CSMD3: variants seen among roughly 807,000 people sequenced by gnomAD.
CSMD3 encodes the protein CUB and sushi domain-containing protein 3.
CSMD3 carries 177 observed loss-of-function variants against 435.2 expected under a neutral mutation model. The observed-to-expected ratio is 0.41, with a 90% CI of 0.36 to 0.46. The LOEUF (loss-of-function observed/expected upper bound fraction) is 0.46, where lower values mean the gene tolerates loss of function less well. Ranked by LOEUF, CSMD3 falls within the 20% of genes least tolerant of loss-of-function variation. CSMD3 has a pLI of 0.34. For synonymous variants in CSMD3, 1,656 were observed against 1,520.5 expected (o/e 1.09, Z -2.07); for missense variants, 4,265 against 4,504.6 (o/e 0.95, Z 1.52).
chr8:112,845,778 G>A (rs2080300959), intron 11 of CSMD3, among the ~76,000 whole-genome samples: 1 of 152,030 alleles, frequency 6.6e-6, no homozygotes, highest in African/African-American at 2.4e-5. Context: ...ATGGAAACCT[G>A]AGTGAGAGGG....
chr8:112,687,860 C>A (rs1401392980), intron 14 of CSMD3, among the ~76,000 whole-genome samples: 1 of 151,992 alleles, frequency 6.6e-6, no homozygotes, highest in Non-Finnish European at 1.5e-5. Flanking sequence ...AGTTAAGGCA[C>A]CCCAGTTTCC....
intron 1 of CSMD3, among the ~76,000 whole-genome samples, chr8:113,353,458 T>C (rs1275582043): frequency 2.0e-5 from 3 of 152,314 alleles, no homozygotes; most frequent in Middle Eastern, 3.4e-3. Flanking sequence ...AGTAATTATA[T>C]ACAACACTGA....
intron 23 of CSMD3, among the ~76,000 whole-genome samples, chr8:112,584,753 G>A (rs182817890): frequency 2.3e-3 from 350 of 151,184 alleles, no homozygotes; most frequent in African/African-American, 8.1e-3. Flanking sequence ...TCAGTCAAGG[G>A]GCAGCAGATT....
At chr8:113,242,426 C>A (rs1388574474) in intron 3 of CSMD3, among the ~76,000 whole-genome samples, 1 of 151,942 alleles carries the variant, frequency 6.6e-6, no homozygotes, top group African/African-American at 2.4e-5. Flanking sequence ...TGATAACACA[C>A]AACTACTCAC....
chr8:112,861,964 G>A (rs886800276), intron 10 of CSMD3, among the ~76,000 whole-genome samples: 3 of 151,836 alleles, frequency 2.0e-5, no homozygotes, highest in Admixed American at 6.6e-5. Context: ...ATGTAGGTAC[G>A]TTTGCTAAAG....
chr8:112,493,347 C>T (rs1274465511), intron 30 of CSMD3, among the ~76,000 whole-genome samples: 1 of 151,966 alleles, frequency 6.6e-6, no homozygotes, highest in Non-Finnish European at 1.5e-5. Flanking sequence ...CCTTATAAAA[C>T]GTCTTTATTT....
intron 41 of CSMD3, among the ~76,000 whole-genome samples, chr8:112,345,359 T>C (rs1444651890): frequency 2.0e-5 from 3 of 152,016 alleles, no homozygotes; most frequent in Non-Finnish European, 2.9e-5. Context: ...ATCTGATGAA[T>C]GGATAAAGAA....
At chr8:112,504,097 C>T (rs747234614) in intron 29 of CSMD3, 120 bp from the exon 30 acceptor site, 74 of 604,210 alleles carry the variant, frequency 1.2e-4, no homozygotes, top group Admixed American at 3.0e-4. Context: ...TAATAAAAGA[C>T]GCTGTCAAAA....
intron 3 of CSMD3, among the ~76,000 whole-genome samples, chr8:113,242,518 C>T (rs2093230176): frequency 6.6e-6 from 1 of 151,952 alleles, no homozygotes; most frequent in South Asian, 2.1e-4. Flanking sequence ...ATTGCTAACC[C>T]CATTGTAAAG....
At chr8:112,865,369 CTGTGCCCTG>C (rs940470043) in intron 10 of CSMD3, among the ~76,000 whole-genome samples, 4 of 152,148 alleles carry the variant, frequency 2.6e-5, no homozygotes, top group African/African-American at 9.7e-5. Flanking sequence ...TCTCGGTCCA[CTGTGCCCTG>C]AAGTACCTTT....
intron 5 of CSMD3, among the ~76,000 whole-genome samples, chr8:113,047,662 T>C (rs895445390): frequency 2.6e-5 from 4 of 152,236 alleles, no homozygotes; most frequent in African/African-American, 9.6e-5. Flanking sequence ...ATAAGTATCC[T>C]AGAATTTTTA....
chr8:112,262,146 C>T (rs1816468590), intron 61 of CSMD3, among the ~76,000 whole-genome samples: 1 of 151,818 alleles, frequency 6.6e-6, no homozygotes, highest in South Asian at 2.1e-4. Context: ...ATATTTAAAT[C>T]TCTGATAAAT....
At chr8:112,510,408 T>G (rs1342488523) in intron 28 of CSMD3, among the ~76,000 whole-genome samples, 3 of 152,244 alleles carry the variant, frequency 2.0e-5, no homozygotes, top group Non-Finnish European at 4.4e-5. Context: ...ATACTGCTTA[T>G]ATTTCCTTGT....
intron 6 of CSMD3, among the ~76,000 whole-genome samples, chr8:112,987,040 C>T (rs1339866856): frequency 2.0e-5 from 3 of 151,916 alleles, no homozygotes; most frequent in Admixed American, 6.6e-5. Context: ...ATATCAGGTA[C>T]ATAAAGAAAT....
At chr8:112,493,580 G>T (rs993803260) in intron 30 of CSMD3, among the ~76,000 whole-genome samples, 3 of 152,086 alleles carry the variant, frequency 2.0e-5, no homozygotes, top group African/African-American at 7.2e-5. Context: ...TTTTTTGACA[G>T]ATTTTCTATC....
chr8:112,518,638 G>GAA (rs1213512637), intron 27 of CSMD3, among the ~76,000 whole-genome samples: 1 of 151,586 alleles, frequency 6.6e-6, no homozygotes, highest in Non-Finnish European at 1.5e-5. Flanking sequence ...GTGAGAGAGA[G>GAA]AGAGAGAGAG....
intron 35 of CSMD3, among the ~76,000 whole-genome samples, chr8:112,397,813 TCTG>T (rs1176637069): frequency 6.6e-6 from 1 of 152,198 alleles, no homozygotes; most frequent in African/African-American, 2.4e-5. Context: ...ACTACAGCAT[TCTG>T]CTGCTGGCCC....
intron 12 of CSMD3, among the ~76,000 whole-genome samples, chr8:112,802,546 T>C (rs1471720604): frequency 6.6e-6 from 1 of 152,094 alleles, no homozygotes; most frequent in Non-Finnish European, 1.5e-5. Flanking sequence ...AGATTTCCTA[T>C]GATGCACATC....
chr8:112,226,034 G>T (rs1200924229), intron 70 of CSMD3, among the ~76,000 whole-genome samples: 1 of 151,968 alleles, frequency 6.6e-6, no homozygotes, highest in Non-Finnish European at 1.5e-5. Flanking sequence ...CAACTCTATT[G>T]TTTATACTGA....
Sources: allele counts gnomAD v4.1 joint callset (sites outside exome capture counted in the v4.1 genomes callset), GRCh38; gene constraint gnomAD v4.1.1; transcripts MANE v1.5; gene names NCBI Gene and HGNC (gene_info 2026-07-23, HGNC 2026-07-21).